TRIO: variants seen among roughly 807,000 people sequenced by gnomAD.
The protein encoded by TRIO is triple functional domain protein.
In TRIO, 58 loss-of-function variants were observed where a neutral mutation model predicts 351.9. The ratio of observed to expected loss-of-function variants is 0.16; its 90% CI spans 0.13 to 0.21. The LOEUF is 0.21. Among genes scored for constraint, TRIO ranks in the 10% least tolerant of loss-of-function variants. The probability of loss-of-function intolerance (pLI) is 1.00; values close to 1 mark genes in which losing one functional copy is unlikely to be tolerated. For synonymous variants in TRIO, 1,758 were observed against 1,595.7 expected, an observed-to-expected ratio of 1.10 and a Z score of -2.42; for missense variants, 3,201 against 4,027.8, an observed-to-expected ratio of 0.79 and a Z score of 5.56.
chr5:14,191,557 G>A (rs1258804944), intron 1 of TRIO, among the ~76,000 whole-genome samples: 1 of 150,464 alleles, frequency 6.6e-6, no homozygotes, highest in Non-Finnish European at 1.5e-5. Flanking sequence ...AAAAAAAAGT[G>A]GTAGTAGTAG....
At chr5:14,153,556 T>C (rs33023) in intron 1 of TRIO, among the ~76,000 whole-genome samples, 106,875 of 152,086 alleles carry the variant, frequency 0.7, 38,833 homozygotes, top group African/African-American at 0.9. Context: ...TGCCAGGCAC[T>C]GTGCAGAGTG....
intron 34 of TRIO, among the ~76,000 whole-genome samples, chr5:14,454,946 C>T (rs142737230): frequency 0.029 from 4,418 of 151,932 alleles, 93 homozygotes; most frequent in African/African-American, 0.047. Flanking sequence ...CAGACCTTCG[C>T]GGTGAGTGTT....
chr5:14,505,281 C>T (rs374385866), intron 55 of TRIO, among the ~76,000 whole-genome samples: 2 of 152,240 alleles, frequency 1.3e-5, no homozygotes, highest in African/African-American at 4.8e-5. Flanking sequence ...AGGGAGCGGC[C>T]GGAGGCCAGG....
chr5:14,368,051 C>G (rs1385482002), intron 16 of TRIO, among the ~76,000 whole-genome samples: 1 of 152,214 alleles, frequency 6.6e-6, no homozygotes, highest in Non-Finnish European at 1.5e-5. Context: ...CACACCCTCC[C>G]TTGGCTCTAC....
chr5:14,357,260 C>T (rs967608011), intron 11 of TRIO, among the ~76,000 whole-genome samples: 2 of 152,218 alleles, frequency 1.3e-5, no homozygotes, highest in African/African-American at 4.8e-5. Flanking sequence ...CCAGCTGAGC[C>T]GGCTGTCCCC....
At chr5:14,412,989 C>A (rs548248239) in intron 33 of TRIO, among the ~76,000 whole-genome samples, 130 of 148,514 alleles carry the variant, frequency 8.8e-4, no homozygotes, top group African/African-American at 3.3e-3. Context: ...ATATTTAGAT[C>A]AGTGACTAGC....
At chr5:14,341,036 G>GTT (rs1434408003) in intron 11 of TRIO, among the ~76,000 whole-genome samples, 2 of 152,098 alleles carry the variant, frequency 1.3e-5, no homozygotes, top group Non-Finnish European at 2.9e-5. Context: ...TTTTTGTTTT[G>GTT]TTTTTTAAGT....
At chr5:14,335,718 A>G (rs1741342407) in intron 10 of TRIO, among the ~76,000 whole-genome samples, 1 of 152,230 alleles carries the variant, frequency 6.6e-6, no homozygotes, top group South Asian at 2.1e-4. Context: ...TAATCCTGGT[A>G]CTTTGGGAGG....
intron 34 of TRIO, among the ~76,000 whole-genome samples, chr5:14,440,397 C>A (rs1005678500): frequency 2.6e-5 from 4 of 152,226 alleles, no homozygotes; most frequent in Non-Finnish European, 5.9e-5. Flanking sequence ...AGTTCCCACG[C>A]AGTGGACATT....
intron 1 of TRIO, among the ~76,000 whole-genome samples, chr5:14,258,441 G>A (rs1040327915): frequency 5.9e-5 from 9 of 152,162 alleles, no homozygotes; most frequent in Non-Finnish European, 1.0e-4. Flanking sequence ...ACTATACTAA[G>A]TTTAATTTGG....
At chr5:14,454,596 G>C (rs1022014518) in intron 34 of TRIO, among the ~76,000 whole-genome samples, 14 of 152,190 alleles carry the variant, frequency 9.2e-5, no homozygotes, top group African/African-American at 3.4e-4. Flanking sequence ...TGGCTCACCT[G>C]TTTGTCATTT....
intron 16 of TRIO, among the ~76,000 whole-genome samples, chr5:14,367,752 C>T (rs1744727677): frequency 6.6e-6 from 1 of 152,178 alleles, no homozygotes; most frequent in South Asian, 2.1e-4. Flanking sequence ...AAGAAAGCTA[C>T]AGAAGTTGCC....
At chr5:14,361,902 G>A (rs1561392235) in intron 13 of TRIO, among the ~76,000 whole-genome samples, 1 of 152,224 alleles carries the variant, frequency 6.6e-6, no homozygotes, top group Non-Finnish European at 1.5e-5. Flanking sequence ...CAGATCACCT[G>A]AGGTCAGGAG....
rs201455780 is a variant in TRIO at position 14,508,024 on chromosome 5, G to A, written c.8896G>A (p.Gly2966Arg). The change falls in exon 57 of 57, where the codon GGG (glycine) becomes AGG (arginine). Residue 2966 changes from glycine (G) to arginine (R), a missense_variant. Around this residue, in one of 19 missense-constraint regions of TRIO, gnomAD observed 233 missense variants for 292.6 expected, o/e 0.80. Coordinates refer to ENST00000344204, the MANE Select transcript of TRIO (RefSeq NM_007118.4). ...ATTCGCAGCCCCTGAAATCATCCTC[G>A]GGAACCCTGTCTCCCTGACCTCGGA... ...PEFAAPEIIL[G>R]NPVSLTSDTW... 8 of 1,614,178 alleles carry A rather than the reference G, an allele frequency of 5.0e-6. No individual in the cohort carries two copies. The highest frequency in any genetic ancestry group is 2.2e-5 in the South Asian group (2 of 91,082).
intron 34 of TRIO, among the ~76,000 whole-genome samples, chr5:14,426,661 G>A (rs148566884): frequency 6.6e-5 from 10 of 152,346 alleles, no homozygotes; most frequent in Admixed American, 1.3e-4. Flanking sequence ...AGGCTCGGTA[G>A]AGAAAGCAGC....
chr5:14,263,377 A>G (rs1795472021), intron 1 of TRIO, among the ~76,000 whole-genome samples: 1 of 151,830 alleles, frequency 6.6e-6, no homozygotes, highest in Admixed American at 6.6e-5. Context: ...GTAGTAATCA[A>G]AAAGACAATA....
At chr5:14,303,769 C>T (rs1317650937) in intron 7 of TRIO, among the ~76,000 whole-genome samples, 2 of 152,148 alleles carry the variant, frequency 1.3e-5, no homozygotes, top group Non-Finnish European at 2.9e-5. Flanking sequence ...TCGCATGGCT[C>T]AGGCTTTTCT....
chr5:14,200,112 G>A (rs2152170311), intron 1 of TRIO, among the ~76,000 whole-genome samples: 1 of 152,262 alleles, frequency 6.6e-6, no homozygotes, highest in Middle Eastern at 3.4e-3. Context: ...GAGAGAACCA[G>A]CCAGGACAGC....
intron 1 of TRIO, among the ~76,000 whole-genome samples, chr5:14,152,462 C>T (rs1022019290): frequency 6.6e-6 from 1 of 152,192 alleles, no homozygotes; most frequent in African/African-American, 2.4e-5. Context: ...CCTCTGCCTC[C>T]CGGGTTCAAG....
Sources: gnomAD v4.1 joint callset for allele counts (sites outside exome capture counted in the v4.1 genomes callset) on GRCh38, gnomAD v4.1.1 for gene constraint, gnomAD v4.1.1 regional missense constraint, MANE v1.5 for transcripts, NCBI Gene and HGNC (gene_info 2026-07-23, HGNC 2026-07-21) for gene names.